Variants in PDE3B observed in about 807,000 individuals in gnomAD.
PDE3B encodes cGMP-inhibited 3',5'-cyclic phosphodiesterase 3B.
In PDE3B, 66 loss-of-function variants were observed where a neutral mutation model predicts 116.8. The observed-to-expected ratio is 0.56, with a 90% CI of 0.46 to 0.69. The LOEUF is 0.69. PDE3B is among the 30% of genes least tolerant of loss of function. The pLI is 0.00. For missense variants in PDE3B, 1,384 were observed against 1,368.1 expected (o/e 1.01, Z -0.18); for synonymous variants, 595 against 533.6 (o/e 1.12, Z -1.59).
chr11:14,823,965 A>G (rs1859603854), intron 7 of PDE3B, among the ~76,000 whole-genome samples: 1 of 152,146 alleles, frequency 6.6e-6, no homozygotes, highest in Non-Finnish European at 1.5e-5. Flanking sequence ...TTGCTTTCTC[A>G]CAGCCTTAGG....
intron 1 of PDE3B, chr11:14,700,630 T>C (rs1333235038): frequency 6.6e-6 from 1 of 151,864 alleles, no homozygotes; most frequent in East Asian, 1.9e-4. Context: ...TTCCTCTAAA[T>C]GAAAATTTTC....
chr11:14,707,749 G>A (rs1855576114), intron 1 of PDE3B, among the ~76,000 whole-genome samples: 2 of 151,972 alleles, frequency 1.3e-5, no homozygotes, highest in South Asian at 4.1e-4. Context: ...TTTACTGAGA[G>A]TGTGGGGTTT....
intron 11 of PDE3B, among the ~76,000 whole-genome samples, chr11:14,840,987 G>A (rs1860203938): frequency 6.6e-6 from 1 of 152,106 alleles, no homozygotes; most frequent in Non-Finnish European, 1.5e-5. Flanking sequence ...ATGTCAGCTT[G>A]GCTGGGCAGT....
In PDE3B at chr11:14,756,455, C is replaced by T. The variant is rs557429735; in HGVS notation, c.979-15482C>T. Among the ~76,000 whole-genome samples the T allele has an allele frequency of 3.3e-5, 5 of 152,292 alleles. No homozygotes were observed. The South Asian group carries it at 1.0e-3, about 32-fold the overall frequency. ...TGTGGCTTTTGGTGGAGGAATCCAACTACTGTCAACCCACGCTGTCCAGAA... is the reference window on the plus strand; with the variant it reads ...TGTGGCTTTTGGTGGAGGAATCCAATTACTGTCAACCCACGCTGTCCAGAA... On this transcript the variant is annotated intron_variant, in intron 1 of 15. Transcript: ENST00000282096.
intron 1 of PDE3B, among the ~76,000 whole-genome samples, chr11:14,657,585 G>T (rs1479648446): frequency 6.6e-6 from 1 of 152,122 alleles, no homozygotes; most frequent in Non-Finnish European, 1.5e-5. Context: ...TTATCATTAT[G>T]TAAGTCATTT....
In PDE3B at chr11:14,644,695, T is replaced by A; in HGVS notation, c.620T>A (p.Leu207Gln). Reference sequence around the variant, plus strand: ...CTGGTGCTGAGCTGCGTAGGGCTGCTGCTGACGCTCGCGCACCCGCTGCGG... The same window carrying A: ...CTGGTGCTGAGCTGCGTAGGGCTGCAGCTGACGCTCGCGCACCCGCTGCGG... ...LLLVLSCVGL[L>Q]LTLAHPLRLR... Residue 207 changes from leucine (L) to glutamine (Q), a missense_variant, in exon 1 of 16, where the codon CTG becomes CAG. By Grantham distance (113) the Leu-to-Gln change is moderately radical (BLOSUM62 -2). Coordinates refer to ENST00000282096, the MANE Select transcript of PDE3B (RefSeq NM_000922.4). 1 of 1,517,228 alleles carries A rather than the reference T, an allele frequency of 6.6e-7. No homozygotes were observed. Among genetic ancestry groups the A allele is most frequent in the Non-Finnish European group, 8.8e-7 (1 of 1,134,996 alleles). 94.0% of individuals were successfully genotyped at this position (1,517,228 alleles called of 1,614,324 possible).
chr11:14,716,420 A>G (rs1178055930), intron 1 of PDE3B, among the ~76,000 whole-genome samples: 1 of 151,362 alleles, frequency 6.6e-6, no homozygotes, highest in African/African-American at 2.4e-5. Flanking sequence ...AGCCCACCAC[A>G]GCTCAAGGAG....
At chr11:14,755,310 C>T (rs1857155346) in intron 1 of PDE3B, among the ~76,000 whole-genome samples, 1 of 152,070 alleles carries the variant, frequency 6.6e-6, no homozygotes, top group Admixed American at 6.6e-5. Context: ...AACTAAAATA[C>T]AAGTTAGGGA....
In PDE3B at chr11:14,728,651, T is replaced by C. The variant is rs117164464; in HGVS notation, c.979-43286T>C. On this transcript the variant is annotated intron_variant, in intron 1 of 15. Transcript: ENST00000282096. The stretch of plus-strand genomic sequence containing the variant: ...AACTAGGATTGAAATCTAGATCTAC[T>C]TGATACTTAAGCTTCCTCTTACACT... 6.6e-3 allele frequency among the ~76,000 whole-genome samples: 1,004 copies of C among 152,250 alleles called. 6 individuals are homozygous for C. The highest frequency in any genetic ancestry group is 0.014 in the Middle Eastern group (4 of 294).
At chr11:14,838,104 G>A (rs1353246154) in intron 11 of PDE3B, among the ~76,000 whole-genome samples, 4 of 151,778 alleles carry the variant, frequency 2.6e-5, no homozygotes, top group Admixed American at 6.6e-5. Flanking sequence ...TCAGCCTCCC[G>A]AGTAGCTGGG....
chr11:14,859,282 C>G (rs782197668), intron 13 of PDE3B, 36 bp downstream of exon 13: 7 of 1,443,032 alleles, frequency 4.9e-6, no homozygotes, highest in Non-Finnish European at 6.7e-6. Context: ...TTTAAAAAAT[C>G]TTTATTGTCA....
rs1457149020 is a variant in PDE3B, at chr11:14,804,289, A to G, written c.1522+239A>G. Among the ~76,000 whole-genome samples, 4 of 152,174 alleles carry G rather than the reference A, an allele frequency of 2.6e-5. No individual in the cohort carries two copies. In the East Asian group the frequency reaches 7.7e-4, roughly 29 times the overall value. ...TGCTAAGCAGTAGGGATTCAGAGAT[A>G]AAATATATAACTATTTAACTAACCT... On this transcript the variant is annotated intron_variant, in intron 5 of 15. Transcript: ENST00000282096.
intron 1 of PDE3B, among the ~76,000 whole-genome samples, chr11:14,727,832 A>G (rs1205353899): frequency 3.4e-5 from 5 of 147,798 alleles, no homozygotes; most frequent in Admixed American, 2.8e-4. Context: ...AATAAGCACT[A>G]TTTATTCCTT....
At chr11:14,885,215 G>C in the PDE3B span, among the ~76,000 whole-genome samples, 24 of 152,100 alleles carry the variant, frequency 1.6e-4, no homozygotes, top group Non-Finnish European at 2.8e-4. Flanking sequence ...ATTTTAGGCT[G>C]TCTGTTGCTG....
intron 1 of PDE3B, among the ~76,000 whole-genome samples, chr11:14,660,777 A>G (rs563556530): frequency 1.2e-3 from 183 of 152,290 alleles, no homozygotes; most frequent in Non-Finnish European, 2.4e-3. Flanking sequence ...GATCACCCTT[A>G]GAATATAAAT....
intron 1 of PDE3B, among the ~76,000 whole-genome samples, chr11:14,742,029 C>T (rs1856789222): frequency 6.6e-6 from 1 of 151,994 alleles, no homozygotes; most frequent in African/African-American, 2.4e-5. Context: ...TCATTTTTTC[C>T]TTCATTTCAG....
At chr11:14,669,131 G>A (rs1442364798) in intron 1 of PDE3B, among the ~76,000 whole-genome samples, 1 of 152,166 alleles carries the variant, frequency 6.6e-6, no homozygotes, top group Non-Finnish European at 1.5e-5. Flanking sequence ...ACATACAAGG[G>A]CAGAATAGGG....
chr11:14,760,238 G>T (rs1857319610), intron 1 of PDE3B, among the ~76,000 whole-genome samples: 1 of 152,134 alleles, frequency 6.6e-6, no homozygotes, highest in African/African-American at 2.4e-5. Context: ...CATATAGTAA[G>T]CCCTTAATAG....
chr11:14,716,422 C>T (rs1240194014), intron 1 of PDE3B, among the ~76,000 whole-genome samples: 1 of 151,318 alleles, frequency 6.6e-6, no homozygotes, highest in African/African-American at 2.4e-5. Flanking sequence ...CCCACCACAG[C>T]TCAAGGAGGC....
Sources: gnomAD v4.1 joint callset for allele counts (sites outside exome capture counted in the v4.1 genomes callset) on GRCh38, gnomAD v4.1.1 for gene constraint, MANE v1.5 for transcripts, NCBI Gene and HGNC (gene_info 2026-07-23, HGNC 2026-07-21) for gene names.